The following SLC26A7 variants were observed in gnomAD, a reference collection of about 807,000 sequenced individuals.
SLC26A7 encodes anion exchange transporter.
SLC26A7 carries 59 observed loss-of-function variants against 82.5 expected under a neutral mutation model. The ratio of observed to expected loss-of-function variants is 0.72; its 90% confidence interval spans 0.58 to 0.89. SLC26A7 has a LOEUF of 0.89. Ranked by LOEUF, SLC26A7 falls within the 40% of genes least tolerant of loss-of-function variation. The probability of loss-of-function intolerance (pLI) is 0.00; values close to 1 mark genes in which losing one functional copy is unlikely to be tolerated. For synonymous variants in SLC26A7, 271 were observed against 274.3 expected, an observed-to-expected ratio of 0.99 and a Z score of 0.12; for missense variants, 820 against 793.0, an observed-to-expected ratio of 1.03 and a Z score of -0.41.
At chr8:91,323,754 A>G (rs967961480) in intron 5 of SLC26A7, among the ~76,000 whole-genome samples, 34 of 151,678 alleles carry the variant, frequency 2.2e-4, no homozygotes, top group Admixed American at 1.8e-3. Flanking sequence ...TTTTGTTTGT[A>G]CTGATAAAAA....
chr8:91,337,393 CAT>C (rs1335903489), intron 6 of SLC26A7, among the ~76,000 whole-genome samples: 20 of 152,190 alleles, frequency 1.3e-4, no homozygotes, highest in South Asian at 4.2e-4. Flanking sequence ...ATACCATAAT[CAT>C]GTGAAATTTT....
At chr8:91,345,512 T>C (rs147812558) in intron 9 of SLC26A7, among the ~76,000 whole-genome samples, 4 of 152,228 alleles carry the variant, frequency 2.6e-5, no homozygotes, top group Non-Finnish European at 2.9e-5. Context: ...GAGCACTAAA[T>C]GTCCTTAAAA....
chr8:91,358,553 A>G (rs55821740), intron 11 of SLC26A7, among the ~76,000 whole-genome samples: 4,503 of 151,976 alleles, frequency 0.03, 68 homozygotes, highest in Non-Finnish European at 0.035. Context: ...GATGGTCTCG[A>G]TCTGCTGACA....
At chr8:91,326,816 G>C (rs144670848) in intron 5 of SLC26A7, among the ~76,000 whole-genome samples, 7 of 152,076 alleles carry the variant, frequency 4.6e-5, no homozygotes, top group African/African-American at 1.7e-4. Context: ...TGCTCCCTCT[G>C]CAGGTTCTAG....
intron 2 of SLC26A7, among the ~76,000 whole-genome samples, chr8:91,285,182 C>T (rs895364064): frequency 6.6e-6 from 1 of 152,272 alleles, no homozygotes; most frequent in African/African-American, 2.4e-5. Flanking sequence ...CTTCAATCTT[C>T]ACATGATGTT....
intron 16 of SLC26A7, 133 bp from the exon 17 acceptor site, chr8:91,393,664 A>G: frequency 2.3e-6 from 2 of 882,922 alleles, no homozygotes; most frequent in Non-Finnish European, 3.6e-6. Context: ...ACTGTGTAAC[A>G]ATGCCTCCCT....
chr8:91,274,743 G>A (rs1166940352), intron 2 of SLC26A7, among the ~76,000 whole-genome samples: 1 of 152,170 alleles, frequency 6.6e-6, no homozygotes, highest in African/African-American at 2.4e-5. Flanking sequence ...CACATAGATA[G>A]GTGAATTAAG....
chr8:91,214,412 A>C (rs1179391578), intron 1 of SLC26A7, among the ~76,000 whole-genome samples: 1 of 152,184 alleles, frequency 6.6e-6, no homozygotes, highest in Non-Finnish European at 1.5e-5. Flanking sequence ...ATTTGAAAAC[A>C]TGTGCACTTT....
intron 11 of SLC26A7, among the ~76,000 whole-genome samples, chr8:91,361,379 G>T (rs1289963326): frequency 1.3e-5 from 2 of 152,032 alleles, no homozygotes; most frequent in East Asian, 3.8e-4. Context: ...TTCTAACTTT[G>T]TCATTTGTGT....
chr8:91,395,444 G>A lies in SLC26A7; in HGVS notation c.*347G>A, dbSNP rs1410073627. The A allele has an allele frequency of 4.1e-6, 1 of 242,134 alleles. No individual in the cohort carries two copies. The highest frequency in any genetic ancestry group is 1.2e-4 in the East Asian group (1 of 8,456). 15.0% of individuals were successfully genotyped at this position (242,134 alleles called of 1,614,324 possible). ...ATGTTTAAAATTGAGAAATACTTTTGTCATAGGTAATTTGGAACATTTACA... is the reference window on the plus strand; with the variant it reads ...ATGTTTAAAATTGAGAAATACTTTTATCATAGGTAATTTGGAACATTTACA... On this transcript the variant is annotated 3_prime_UTR_variant, in exon 19 of 19. Transcript: ENST00000276609.
At chr8:91,332,644 C>T (rs1813126258) in intron 5 of SLC26A7, among the ~76,000 whole-genome samples, 1 of 151,168 alleles carries the variant, frequency 6.6e-6, no homozygotes, top group Admixed American at 6.6e-5. Context: ...TCCCCACCGC[C>T]AGCAGTCTCT....
At chr8:91,321,142 C>T (rs183718806) in intron 5 of SLC26A7, among the ~76,000 whole-genome samples, 169 of 152,314 alleles carry the variant, frequency 1.1e-3, no homozygotes, top group South Asian at 5.6e-3. Flanking sequence ...CAGAGAATCT[C>T]ATTCCCTAGT....
chr8:91,345,327 A>G (rs539618780), intron 9 of SLC26A7, among the ~76,000 whole-genome samples: 2 of 152,282 alleles, frequency 1.3e-5, no homozygotes, highest in African/African-American at 4.8e-5. Flanking sequence ...CTCAATAAAC[A>G]TAGTGAGTGG....
At chr8:91,340,884 CTTAG>C (rs544700719) in intron 8 of SLC26A7, among the ~76,000 whole-genome samples, 22 of 152,010 alleles carry the variant, frequency 1.4e-4, no homozygotes, top group African/African-American at 4.3e-4. Flanking sequence ...TAGTATTACT[CTTAG>C]TAAAAAAACT....
chr8:91,391,801 GA>G (rs1191327029), intron 16 of SLC26A7, among the ~76,000 whole-genome samples: 1 of 149,510 alleles, frequency 6.7e-6, no homozygotes, highest in East Asian at 1.9e-4. Context: ...GAAACACTAG[GA>G]TTTTTTTTTT....
intron 2 of SLC26A7, among the ~76,000 whole-genome samples, chr8:91,221,108 T>C (rs1461491757): frequency 6.6e-6 from 1 of 152,248 alleles, no homozygotes; most frequent in Non-Finnish European, 1.5e-5. Context: ...TTTGCATTTC[T>C]CTGATGATCA....
intron 4 of SLC26A7, among the ~76,000 whole-genome samples, chr8:91,310,719 TAAACACACCGC>T (rs1812457479): frequency 6.6e-6 from 1 of 152,026 alleles, no homozygotes; most frequent in Non-Finnish European, 1.5e-5. Context: ...ATGACTCCAG[TAAACACACCGC>T]ACATGCTCCC....
Position 91,395,057 on chromosome 8 carries a change from T to C in SLC26A7, c.1936-5T>C. ...ACATACTTACTTCTTCCTCTGGTAT[T>C]TCAGAATTTGAGCAAACTCAGTGAC... On this transcript the variant is annotated splice_region_variant and splice_polypyrimidine_tract_variant and intron_variant, in intron 18 of 18. Coordinates refer to ENST00000276609, the MANE Select transcript of SLC26A7 (RefSeq NM_052832.4). The C allele has an allele frequency of 1.2e-6, 2 of 1,613,370 alleles. No individual in the cohort carries two copies. Among genetic ancestry groups the C allele is most frequent in the Non-Finnish European group, 1.7e-6 (2 of 1,179,332 alleles).
Position 91,395,263 on chromosome 8 carries a change from T to C in SLC26A7, c.*166T>C. ...ATAGCAGTTGGAAAGAACTGCCAAC[T>C]TTTTTTTCTCATTTTTGTTAGTAAG... On this transcript the variant is annotated 3_prime_UTR_variant, in exon 19 of 19. Transcript: ENST00000276609. 7.2e-7 allele frequency: 1 copy of C among 1,384,048 alleles called. No homozygotes were observed. Among genetic ancestry groups the C allele is most frequent in the Non-Finnish European group, 9.4e-7 (1 of 1,066,470 alleles). 85.7% of individuals were successfully genotyped at this position (1,384,048 alleles called of 1,614,324 possible).
Sources: gnomAD v4.1 joint callset for allele counts (sites outside exome capture counted in the v4.1 genomes callset) on GRCh38, gnomAD v4.1.1 for gene constraint, MANE v1.5 for transcripts, NCBI Gene and HGNC (gene_info 2026-07-23, HGNC 2026-07-21) for gene names.